Variants in DDX55 observed in about 807,000 individuals in gnomAD.
The protein encoded by DDX55 is ATP-dependent RNA helicase DDX55.
A neutral mutation model predicts 69.2 loss-of-function variants in DDX55; 56 were observed. That is an observed-to-expected ratio of 0.81 (90% confidence interval 0.65 to 1.01). The LOEUF (loss-of-function observed/expected upper bound fraction) is 1.01. DDX55 is among the 50% of genes least tolerant of loss of function. DDX55 has a pLI of 0.00. For synonymous variants in DDX55, 268 were observed against 273.1 expected, an observed-to-expected ratio of 0.98 and a Z score of 0.18; for missense variants, 720 against 745.1, an observed-to-expected ratio of 0.97 and a Z score of 0.39.
chr12:123,620,387 G>A lies in DDX55; in HGVS notation c.*247G>A, dbSNP rs947322045. On this transcript the variant is annotated 3_prime_UTR_variant, in exon 14 of 14. Transcript: ENST00000238146. ...TAATCCCAGCACTTTGGGAGGCTGA[G>A]GCAGGAGGATCACTTGAGCCCAGGA... 2.5e-5 allele frequency: 7 copies of A among 280,680 alleles called. No homozygotes were observed. Among genetic ancestry groups the A allele is most frequent in the African/African-American group, 1.5e-4 (7 of 46,172 alleles). The allele number at this position is 280,680 out of a possible 1,614,324, so 17.4% of individuals were successfully genotyped here.
chr12:123,619,533 G>A lies in DDX55; in HGVS notation c.1435G>A (p.Val479Ile), dbSNP rs1011673801. The stretch of plus-strand genomic sequence containing the variant: ...GTTTCCAGATTTTGTGCCCGTGGAC[G>A]TTAATACCGACACGATTCCATTTAA... ...KQFPDFVPVDVNTDTIPFKDK... is the reference protein window; with the variant it reads ...KQFPDFVPVDINTDTIPFKDK... The change falls in exon 13 of 14, where the codon GTT (valine) becomes ATT (isoleucine). Residue 479 changes from valine to isoleucine, a missense_variant. Val to Ile is a conservative substitution (Grantham distance 29). Transcript: ENST00000238146. 5 of 1,613,858 alleles carry A rather than the reference G, an allele frequency of 3.1e-6. No individual in the cohort carries two copies. Among genetic ancestry groups the A allele is most frequent in the African/African-American group, 2.7e-5 (2 of 74,870 alleles).
chr12:123,614,658 A>G (rs1440293721), intron 8 of DDX55, among the ~76,000 whole-genome samples: 2 of 152,124 alleles, frequency 1.3e-5, no homozygotes, highest in Non-Finnish European at 2.9e-5. Flanking sequence ...TATTGGGATG[A>G]CTGCCAACCC....
Position 123,610,103 on chromosome 12 carries a change from C to G in DDX55, c.716C>G (p.Pro239Arg). Residue 239 changes from proline to arginine, a missense_variant, in exon 7 of 14, where the codon CCC becomes CGC. Coordinates refer to ENST00000238146, the MANE Select transcript of DDX55 (RefSeq NM_020936.3). ...GVAASSAQKT[P>R]SRLENYYMVC... ...GCAGCCAGCAGTGCCCAGAAGACCC[C>G]CTCCCGCCTGGAAAACTACTACATG... is the stretch of plus-strand genomic sequence containing the variant. 6.2e-7 allele frequency: 1 copy of G among 1,613,834 alleles called. No individual in the cohort carries two copies. The highest frequency in any genetic ancestry group is 2.2e-5 in the East Asian group (1 of 44,876).
At chr12:123,619,364 A>G in intron 12 of DDX55, 68 bp from the exon 13 acceptor site, 1 of 1,527,056 alleles carries the variant, frequency 6.5e-7, no homozygotes, top group Non-Finnish European at 8.7e-7. Context: ...AAAAAATTAT[A>G]TTGTAAGCCA....
In DDX55 at chr12:123,619,737, T is replaced by C; in HGVS notation, c.1626+13T>C. ...GAAAAGGGAAGAGGTAAAGTTTACT[T>C]TTACTTACATTAACTTAGAATCTTG... On this transcript the variant is annotated intron_variant, in intron 13 of 13. Transcript: ENST00000238146. The C allele has an allele frequency of 1.9e-6, 3 of 1,559,700 alleles. No homozygotes were observed. Among genetic ancestry groups the C allele is most frequent in the Non-Finnish European group, 1.7e-6 (2 of 1,165,614 alleles).
Position 123,618,662 on chromosome 12 carries a change from T to G in DDX55, c.1165-7T>G. ...AAGGTGAGAATGTGGTATGTGTGTG[T>G]GTGTAGTGCCCCCTGCAGGAGATGA... On this transcript the variant is annotated splice_polypyrimidine_tract_variant and splice_region_variant and intron_variant, in intron 11 of 13. Coordinates refer to ENST00000238146, the MANE Select transcript of DDX55 (RefSeq NM_020936.3). 6.2e-7 allele frequency: 1 copy of G among 1,613,176 alleles called. No homozygotes were observed. The highest frequency in any genetic ancestry group is 8.5e-7 in the Non-Finnish European group (1 of 1,179,480).
chr12:123,605,956 GAAA>G lies in DDX55; in HGVS notation c.135_137del (p.Asn46del). On this transcript the variant is annotated inframe_deletion, in exon 2 of 14. Coordinates refer to ENST00000238146, the MANE Select transcript of DDX55 (RefSeq NM_020936.3). ...TCCGCAACCATCCCTCTGTTCATGCGAAACAAAGATGTCGCTGCAGAAGCGGTG... is the reference window on the plus strand; with the variant it reads ...TCCGCAACCATCCCTCTGTTCATGCGCAAAGATGTCGCTGCAGAAGCGGTG... The G allele has an allele frequency of 3.7e-6, 6 of 1,614,078 alleles. No homozygotes were observed. The highest frequency in any genetic ancestry group is 5.1e-6 in the Non-Finnish European group (6 of 1,179,996).
chr12:123,620,626 A>ATATAAAAGCTCTTTTTTCTGAGGCTATT lies in DDX55; in HGVS notation c.*488_*489insTAAAAGCTCTTTTTTCTGAGGCTATTTA, dbSNP rs1955073468. ...TATATATATATATATATATATATAT[A>ATATAAAAGCTCTTTTTTCTGAGGCTATT]TAAGCTCTTTTTTCTGAGGCTATTT... On this transcript the variant is annotated 3_prime_UTR_variant, in exon 14 of 14. Transcript: ENST00000238146. The ATATAAAAGCTCTTTTTTCTGAGGCTATT allele has an allele frequency of 9.8e-6, 1 of 102,404 alleles. No homozygotes were observed. Among genetic ancestry groups the ATATAAAAGCTCTTTTTTCTGAGGCTATT allele is most frequent in the Non-Finnish European group, 2.0e-5 (1 of 49,130 alleles). The allele number at this position is 102,404 out of a possible 1,614,324, so 6.3% of individuals were successfully genotyped here. A position where few individuals can be genotyped will look rare whatever the true frequency, so the allele number is the denominator to read the frequency against.
chr12:123,615,755 C>T (rs1176940626), intron 9 of DDX55, among the ~76,000 whole-genome samples: 2 of 152,082 alleles, frequency 1.3e-5, no homozygotes, highest in South Asian at 2.1e-4. Flanking sequence ...GAGGCCGAGG[C>T]GGGTGGATCA....
intron 6 of DDX55, among the ~76,000 whole-genome samples, chr12:123,609,047 G>C (rs1047753187): frequency 6.6e-6 from 1 of 151,850 alleles, no homozygotes; most frequent in Non-Finnish European, 1.5e-5. Flanking sequence ...TCAACCTCTC[G>C]GGCTCAGATG....
At chr12:123,616,807 A>G in intron 10 of DDX55, 1 of 581,454 alleles carries the variant, frequency 1.7e-6, no homozygotes, top group South Asian at 2.0e-5. Flanking sequence ...GCCGTGCTCC[A>G]TGTAGAGCAA....
At chr12:123,607,868 T>C in intron 5 of DDX55, 2 of 650,478 alleles carry the variant, frequency 3.1e-6, no homozygotes, top group Non-Finnish European at 5.3e-6. Context: ...ACTCAGGTTC[T>C]TACAGAGGTC....
Position 123,618,665 on chromosome 12 carries a change from GTA to G in DDX55, c.1165-3_1165-2del, listed in dbSNP as rs759711597. On this transcript the variant is annotated splice_acceptor_variant and splice_polypyrimidine_tract_variant and intron_variant, in intron 11 of 13. Transcript: ENST00000238146. LOFTEE classifies it high-confidence loss of function. Reference sequence around the variant, plus strand: ...GTGAGAATGTGGTATGTGTGTGTGTGTAGTGCCCCCTGCAGGAGATGAAGCCC... The same window carrying G: ...GTGAGAATGTGGTATGTGTGTGTGTGGTGCCCCCTGCAGGAGATGAAGCCC... 3.7e-6 allele frequency: 6 copies of G among 1,613,158 alleles called. No homozygotes were observed. In the African/African-American group the frequency reaches 5.3e-5, roughly 14 times the overall value.
At chr12:123,615,371 C>A in intron 9 of DDX55, 55 bp downstream of exon 9, 1 of 1,597,374 alleles carries the variant, frequency 6.3e-7, no homozygotes, top group Admixed American at 1.7e-5. Flanking sequence ...TCTTTCAGGT[C>A]CCCAAATGCC....
intron 9 of DDX55, among the ~76,000 whole-genome samples, chr12:123,615,844 T>C (rs963916205): frequency 7.9e-5 from 12 of 152,160 alleles, no homozygotes; most frequent in African/African-American, 1.2e-4. Flanking sequence ...TAGTCGGGCA[T>C]GGTGGCTGGC....
chr12:123,618,560 C>G (rs966631610), intron 11 of DDX55, 109 bp from the exon 12 acceptor site: 2 of 1,544,340 alleles, frequency 1.3e-6, no homozygotes, highest in Admixed American at 4.0e-5. Context: ...CAGACCTCAA[C>G]AGTTGAAAAG....
At chr12:123,616,366 G>A (rs904121279) in intron 9 of DDX55, 145 bp from the exon 10 acceptor site, 7 of 687,906 alleles carry the variant, frequency 1.0e-5, no homozygotes, top group Non-Finnish European at 1.7e-5. Context: ...GTAGAAAGAA[G>A]AAAAAATCAA....
chr12:123,617,685 C>T, intron 10 of DDX55, 73 bp from the exon 11 acceptor site: 1 of 1,366,914 alleles, frequency 7.3e-7, no homozygotes, highest in South Asian at 1.4e-5. Context: ...GCTGCAGCAG[C>T]CATGTGGCTG....
intron 8 of DDX55, among the ~76,000 whole-genome samples, chr12:123,614,840 CTAAGA>C (rs1284042424): frequency 6.6e-6 from 1 of 152,014 alleles, no homozygotes; most frequent in Admixed American, 6.6e-5. Context: ...CTATTTGTGG[CTAAGA>C]TGTCATTGCT....
Sources: gnomAD v4.1 joint callset for allele counts (sites outside exome capture counted in the v4.1 genomes callset) on GRCh38, gnomAD v4.1.1 for gene constraint, MANE v1.5 for transcripts, NCBI Gene and HGNC (gene_info 2026-07-23, HGNC 2026-07-21) for gene names.